Variants in FNIP2 observed in about 807,000 individuals in gnomAD.
FNIP2 encodes the protein folliculin interacting protein 2.
A neutral mutation model predicts 108.7 loss-of-function variants in FNIP2; 32 were observed. The ratio of observed to expected loss-of-function variants is 0.29; its 90% CI spans 0.22 to 0.40. FNIP2 has a LOEUF of 0.40. Among genes scored for constraint, FNIP2 ranks in the 10% least tolerant of loss-of-function variants. The pLI, the probability that FNIP2 is intolerant of heterozygous loss-of-function variation, is 1.00. For synonymous variants in FNIP2, 480 were observed against 496.7 expected, an observed-to-expected ratio of 0.97 and a Z score of 0.45; for missense variants, 1,202 against 1,381.6, an observed-to-expected ratio of 0.87 and a Z score of 2.06.
At chr4:158,818,376 T>G (rs1198243106) in intron 1 of FNIP2, among the ~76,000 whole-genome samples, 1 of 152,246 alleles carries the variant, frequency 6.6e-6, no homozygotes, top group Non-Finnish European at 1.5e-5. Flanking sequence ...ATGGGGAACC[T>G]GAAAGTTATT....
chr4:158,861,128 C>T (rs187210434), intron 10 of FNIP2, among the ~76,000 whole-genome samples: 7 of 152,324 alleles, frequency 4.6e-5, no homozygotes, highest in South Asian at 4.1e-4. Flanking sequence ...TAAATGAGCA[C>T]GGCTGTGACC....
chr4:158,778,968 G>A (rs1011908715), intron 1 of FNIP2, among the ~76,000 whole-genome samples: 2 of 152,198 alleles, frequency 1.3e-5, no homozygotes, highest in East Asian at 1.9e-4. Flanking sequence ...CTGTTTATAC[G>A]CCTACTAACA....
At chr4:158,828,135 A>G (rs1264560941) in intron 2 of FNIP2, among the ~76,000 whole-genome samples, 1 of 152,138 alleles carries the variant, frequency 6.6e-6, no homozygotes, top group Non-Finnish European at 1.5e-5. Flanking sequence ...AATTAGTGGC[A>G]AACTCTAGGG....
intron 14 of FNIP2, among the ~76,000 whole-genome samples, chr4:158,871,236 G>C (rs996219606): frequency 6.6e-6 from 1 of 152,196 alleles, no homozygotes; most frequent in Non-Finnish European, 1.5e-5. Context: ...AAGCAGTTAA[G>C]GAAACTGTCA....
intron 7 of FNIP2, among the ~76,000 whole-genome samples, chr4:158,842,747 A>G (rs1414373257): frequency 1.3e-5 from 2 of 152,128 alleles, no homozygotes; most frequent in Admixed American, 6.5e-5. Flanking sequence ...AAAGGAAAAA[A>G]TTTAAGATGT....
intron 13 of FNIP2, 149 bp downstream of exon 13, chr4:158,869,577 A>AG: frequency 1.6e-6 from 2 of 1,212,358 alleles, no homozygotes; most frequent in East Asian, 2.6e-5. Flanking sequence ...TATTAATTCT[A>AG]TACAAACGGT....
At chr4:158,832,184 G>A in intron 5 of FNIP2, 46 bp downstream of exon 5, 3 of 1,471,420 alleles carry the variant, frequency 2.0e-6, no homozygotes, top group Non-Finnish European at 2.8e-6. Flanking sequence ...TTTAAAGTGT[G>A]TATTTCTAGA....
chr4:158,789,863 C>A (rs1776352940), intron 1 of FNIP2, among the ~76,000 whole-genome samples: 1 of 151,988 alleles, frequency 6.6e-6, no homozygotes, highest in Admixed American at 6.6e-5. Flanking sequence ...CGAAATAATG[C>A]CTTACCCAAG....
chr4:158,809,236 A>T (rs1287850132), intron 1 of FNIP2, among the ~76,000 whole-genome samples: 1 of 152,216 alleles, frequency 6.6e-6, no homozygotes, highest in Non-Finnish European at 1.5e-5. Context: ...AGGTGGGCAG[A>T]TCACTTGAGG....
In FNIP2 at chr4:158,895,840, G is replaced by A; in HGVS notation, c.3241G>A (p.Val1081Met). 5 of 1,613,092 alleles carry A rather than the reference G, an allele frequency of 3.1e-6. No homozygotes were observed. Among genetic ancestry groups the A allele is most frequent in the African/African-American group, 1.3e-5 (1 of 75,032 alleles). ...EYLRGHTRVH[V>M]KELGVVLGIE... ...TCTCCGGGGACACACACGAGTCCAT[G>A]TGAAAGAATTAGGTGTCGTACTGGG... The change falls in exon 16 of 17, where the codon GTG (valine) becomes ATG (methionine). Residue 1081 changes from valine (V) to methionine (M), a missense_variant. Coordinates refer to ENST00000264433, the MANE Select transcript of FNIP2 (RefSeq NM_020840.3).
chr4:158,797,869 G>C (rs990154965), intron 1 of FNIP2, among the ~76,000 whole-genome samples: 1 of 152,154 alleles, frequency 6.6e-6, no homozygotes, highest in Non-Finnish European at 1.5e-5. Context: ...CCTATCACTA[G>C]TGTTGAGAGA....
intron 14 of FNIP2, among the ~76,000 whole-genome samples, chr4:158,887,631 G>A (rs150257433): frequency 4.0e-5 from 6 of 151,082 alleles, no homozygotes; most frequent in South Asian, 4.2e-4. Context: ...CCAGCTACCC[G>A]GAGGGTGAGG....
intron 2 of FNIP2, among the ~76,000 whole-genome samples, chr4:158,826,443 CA>C (rs1304598936): frequency 6.6e-6 from 1 of 152,220 alleles, no homozygotes; most frequent in African/African-American, 2.4e-5. Flanking sequence ...CAGTGTTTCT[CA>C]TGGATAATAA....
At chr4:158,864,196 G>T (rs1780451169) in intron 12 of FNIP2, among the ~76,000 whole-genome samples, 1 of 152,088 alleles carries the variant, frequency 6.6e-6, no homozygotes, top group Admixed American at 6.6e-5. Context: ...ACCATGCCCA[G>T]CTAATTTTTG....
intron 14 of FNIP2, chr4:158,871,430 A>C (rs917626596): frequency 2.8e-5 from 28 of 985,256 alleles, no homozygotes; most frequent in Non-Finnish European, 2.8e-5. Context: ...GGTGGAACAA[A>C]AGGCATTGCA....
intron 1 of FNIP2, among the ~76,000 whole-genome samples, chr4:158,812,487 T>G (rs546501408): frequency 6.6e-6 from 1 of 152,280 alleles, no homozygotes; most frequent in African/African-American, 2.4e-5. Context: ...CAGACAAAAG[T>G]GATCTTCAGA....
rs749601658 is a variant in FNIP2, at chr4:158,880,556, G to A, written c.2949+10087G>A. Among the ~76,000 whole-genome samples, 9 of 152,242 alleles carry A rather than the reference G, an allele frequency of 5.9e-5. No homozygotes were observed. In the South Asian group the frequency reaches 6.2e-4, roughly 11 times the overall value. ...GTATACATATGTAACAAACCTGCAC[G>A]TTGTGCACATGTACCTTAGAACTTA... On this transcript the variant is annotated intron_variant, in intron 14 of 16. Transcript: ENST00000264433.
Position 158,831,864 on chromosome 4 carries a change from A to C in FNIP2, c.385A>C (p.Thr129Pro), listed in dbSNP as rs1251422239. 1.2e-6 allele frequency: 2 copies of C among 1,609,504 alleles called. No homozygotes were observed. Among genetic ancestry groups the C allele is most frequent in the Non-Finnish European group, 1.7e-6 (2 of 1,177,518 alleles). Residue 129 changes from threonine to proline, a missense_variant, in exon 4 of 17, where the codon ACA becomes CCA. Thr to Pro is a conservative substitution (Grantham distance 38). Transcript: ENST00000264433. ...GATTTTGTTTTCTTGCATGTAGTAC[A>C]CAAGACCAGCTTCCGATGTCAACAT... is the stretch of plus-strand genomic sequence containing the variant. ...AKEQLPKYQY[T>P]RPASDVNMLG...
rs541727293 is a variant in FNIP2, at chr4:158,797,744, C to T, written c.108-28172C>T. Among the ~76,000 whole-genome samples, 18 of 152,150 alleles carry T rather than the reference C, an allele frequency of 1.2e-4. No individual in the cohort carries two copies. In the South Asian group the frequency reaches 3.5e-3, roughly 30 times the overall value. On this transcript the variant is annotated intron_variant, in intron 1 of 16. Coordinates refer to ENST00000264433, the MANE Select transcript of FNIP2 (RefSeq NM_020840.3). ...AAAAAACCCCAAATCCACCAGGCTT[C>T]GATTAGGGTGGTAGCAGTGGAATTT...
Sources: gnomAD v4.1 joint callset for allele counts (sites outside exome capture counted in the v4.1 genomes callset) on GRCh38, gnomAD v4.1.1 for gene constraint, MANE v1.5 for transcripts, NCBI Gene and HGNC (gene_info 2026-07-23, HGNC 2026-07-21) for gene names.